CNOT2: variants seen among roughly 807,000 people sequenced by gnomAD.
CNOT2 encodes CCR4-NOT transcription complex subunit 2.
In CNOT2, 7 loss-of-function variants were observed where a neutral mutation model predicts 72.1. The observed-to-expected ratio is 0.10, with a 90% CI of 0.06 to 0.18. The LOEUF (loss-of-function observed/expected upper bound fraction) is 0.18. Among genes scored for constraint, CNOT2 ranks in the 10% least tolerant of loss-of-function variants. CNOT2 has a pLI of 1.00. For synonymous variants in CNOT2, 196 were observed against 225.6 expected (o/e 0.87, Z 1.17); for missense variants, 345 against 660.3 (o/e 0.52, Z 5.23).
At chr12:70,333,264 T>C (rs149269358) in intron 7 of CNOT2, among the ~76,000 whole-genome samples, 1 of 152,044 alleles carries the variant, frequency 6.6e-6, no homozygotes, top group African/African-American at 2.4e-5. Flanking sequence ...TAAAATTGTA[T>C]GGAACACTTA....
intron 2 of CNOT2, among the ~76,000 whole-genome samples, chr12:70,305,450 C>T (rs1267220921): frequency 6.6e-6 from 1 of 152,080 alleles, no homozygotes; most frequent in African/African-American, 2.4e-5. Context: ...GGTTCAGACA[C>T]AGAGCCAAAC....
At chr12:70,316,135 G>T (rs1877293368) in intron 3 of CNOT2, among the ~76,000 whole-genome samples, 1 of 152,112 alleles carries the variant, frequency 6.6e-6, no homozygotes, top group Non-Finnish European at 1.5e-5. Context: ...TGTTCCATAG[G>T]TAAGTGGCAG....
At chr12:70,279,295 G>A (rs1368332754) in intron 2 of CNOT2, among the ~76,000 whole-genome samples, 1 of 152,154 alleles carries the variant, frequency 6.6e-6, no homozygotes, top group East Asian at 1.9e-4. Context: ...TTGGTGTATG[G>A]TATAACAAAG....
chr12:70,339,227 A>G (rs1424755865), intron 11 of CNOT2, among the ~76,000 whole-genome samples: 2 of 151,800 alleles, frequency 1.3e-5, no homozygotes, highest in Non-Finnish European at 2.9e-5. Flanking sequence ...CATTGTTCGT[A>G]ACTGCAGTCT....
chr12:70,337,602 C>A, intron 9 of CNOT2, 89 bp downstream of exon 9: 2 of 1,277,978 alleles, frequency 1.6e-6, no homozygotes, highest in Non-Finnish European at 1.1e-6. Context: ...AATACTATTA[C>A]AAAACTGTTT....
chr12:70,343,933 A>T (rs1881834332), intron 13 of CNOT2, 195 bp from the exon 14 acceptor site: 1 of 446,882 alleles, frequency 2.2e-6, no homozygotes, highest in Non-Finnish European at 3.9e-6. Flanking sequence ...TGTTTAAATG[A>T]CTTCAGTCAT....
intron 2 of CNOT2, among the ~76,000 whole-genome samples, chr12:70,284,009 A>G (rs538258322): frequency 1.9e-4 from 24 of 127,712 alleles, no homozygotes; most frequent in Middle Eastern, 5.6e-3. Context: ...CGATCGCTGG[A>G]GTGCTCACCA....
intron 7 of CNOT2, among the ~76,000 whole-genome samples, chr12:70,334,271 T>G (rs551860967): frequency 1.3e-5 from 2 of 152,162 alleles, no homozygotes; most frequent in African/African-American, 4.8e-5. Context: ...ACTGTCTTAT[T>G]CAGTGGTAAT....
At chr12:70,337,616 C>A (rs1880881301) in intron 9 of CNOT2, 103 bp downstream of exon 9, 27 of 1,137,632 alleles carry the variant, frequency 2.4e-5, no homozygotes, top group Non-Finnish European at 3.5e-5. Context: ...ACTGTTTTAT[C>A]TTGATATCTG....
chr12:70,331,762 G>A (rs568348574), intron 6 of CNOT2: 1 of 151,708 alleles, frequency 6.6e-6, no homozygotes, highest in African/African-American at 2.4e-5. Context: ...TCAAAAAATT[G>A]TTTCACTATA....
At position 70,330,409 on chromosome 12, in the gene CNOT2, C is replaced by T. The variant is rs775850690; in HGVS notation, c.509C>T (p.Ser170Leu). Residue 170 changes from serine to leucine, a missense_variant, in exon 6 of 16, where the codon TCG becomes TTG. Ser to Leu is a moderately radical substitution (Grantham distance 145). Transcript: ENST00000229195. ...GGGTTAGGTAGCCCCAACAGAAGCT[C>T]GCCAAGCATAATATGTATGCCAAAG... ...SSGLGSPNRSSPSIICMPKQQ... is the reference protein window; with the variant it reads ...SSGLGSPNRSLPSIICMPKQQ... 8 of 1,612,592 alleles carry T rather than the reference C, an allele frequency of 5.0e-6. No individual in the cohort carries two copies. The highest frequency in any genetic ancestry group is 6.8e-6 in the Non-Finnish European group (8 of 1,179,072).
chr12:70,308,069 A>G (rs568664582), intron 2 of CNOT2, among the ~76,000 whole-genome samples: 17 of 152,116 alleles, frequency 1.1e-4, no homozygotes, highest in African/African-American at 3.4e-4. Flanking sequence ...TCACCACCTA[A>G]GTTCATGCTG....
intron 6 of CNOT2, chr12:70,331,753 C>A (rs1342226492): frequency 6.6e-6 from 1 of 151,656 alleles, no homozygotes; most frequent in African/African-American, 2.4e-5. Context: ...CATGTTTTAT[C>A]AAAAAATTGT....
chr12:70,304,902 G>A (rs1393209659), intron 2 of CNOT2, among the ~76,000 whole-genome samples: 12 of 152,214 alleles, frequency 7.9e-5, no homozygotes, highest in Admixed American at 7.9e-4. Context: ...CCTGGCTGCT[G>A]CCTTGCAGTT....
At chr12:70,262,375 G>A (rs956921958) in intron 1 of CNOT2, among the ~76,000 whole-genome samples, 4 of 152,026 alleles carry the variant, frequency 2.6e-5, no homozygotes, top group African/African-American at 9.7e-5. Flanking sequence ...CCAGGTTCAC[G>A]CCATTCTCCT....
At chr12:70,308,137 A>G (rs771511902) in intron 2 of CNOT2, among the ~76,000 whole-genome samples, 6 of 152,112 alleles carry the variant, frequency 3.9e-5, no homozygotes, top group Admixed American at 6.6e-5. Context: ...TTTTCCTTCA[A>G]GCATTTGCCT....
In CNOT2 at chr12:70,342,327, C is replaced by T. The variant is rs145845220; in HGVS notation, c.1290+20C>T. 5.6e-6 allele frequency: 9 copies of T among 1,611,070 alleles called. No individual in the cohort carries two copies. The highest frequency in any genetic ancestry group is 6.8e-6 in the Non-Finnish European group (8 of 1,178,926). On this transcript the variant is annotated intron_variant, in intron 13 of 15. Transcript: ENST00000229195. ...GATAAGGTGAGTGTAGTTTATTATT[C>T]TACTCAGTCAGCATGAATTTATCTA...
chr12:70,339,042 G>GTGTGCA (rs1186139373), intron 11 of CNOT2, among the ~76,000 whole-genome samples: 3 of 147,284 alleles, frequency 2.0e-5, no homozygotes, highest in Non-Finnish European at 4.4e-5. Flanking sequence ...GTGTGTGTGT[G>GTGTGCA]TGTGTGTGCA....
chr12:70,314,735 G>T (rs1296620269), intron 3 of CNOT2, among the ~76,000 whole-genome samples: 1 of 152,118 alleles, frequency 6.6e-6, no homozygotes, highest in African/African-American at 2.4e-5. Context: ...CCTAGTAGAT[G>T]CATATCATCA....
Sources: gnomAD v4.1 joint callset for allele counts (sites outside exome capture counted in the v4.1 genomes callset) on GRCh38, gnomAD v4.1.1 for gene constraint, MANE v1.5 for transcripts, NCBI Gene and HGNC (gene_info 2026-07-23, HGNC 2026-07-21) for gene names.